Variants in BPTF observed in about 807,000 individuals in gnomAD.
BPTF encodes nucleosome-remodeling factor subunit BPTF.
In BPTF, 18 loss-of-function variants were observed where a neutral mutation model predicts 292.5. The ratio of observed to expected loss-of-function variants is 0.06; its 90% confidence interval spans 0.04 to 0.09. The LOEUF is 0.09. Ranked by LOEUF, BPTF falls within the 10% of genes least tolerant of loss-of-function variation. The pLI is 1.00. For synonymous variants in BPTF, 1,225 were observed against 1,251.9 expected (o/e 0.98, Z 0.45); for missense variants, 2,726 against 3,498.7 (o/e 0.78, Z 5.57).
At chr17:67,909,840 C>G in intron 10 of BPTF, 79 bp downstream of exon 10, 1 of 1,215,016 alleles carries the variant, frequency 8.2e-7, no homozygotes, top group Non-Finnish European at 1.1e-6. Context: ...AGGAAAGGTA[C>G]TGCGTTGTGT....
chr17:67,925,353 G>C (rs948080900), intron 15 of BPTF, among the ~76,000 whole-genome samples: 9 of 152,026 alleles, frequency 5.9e-5, no homozygotes, highest in Non-Finnish European at 1.5e-5. Flanking sequence ...TGGTTTCTTA[G>C]TGTTTTCATA....
At position 67,966,657 on chromosome 17, in the gene BPTF, G is replaced by A; in HGVS notation, c.8539+1G>A. On this transcript the variant is annotated splice_donor_variant, in intron 26 of 27. Coordinates refer to ENST00000306378, the MANE Select transcript of BPTF (RefSeq NM_182641.4). LOFTEE classifies it high-confidence loss of function. ...TATGGTGTTATTAAGGAACCTATGG[G>A]TAAGTACATGAGTTGAATATGAAGT... 1 of 1,542,646 alleles carries A rather than the reference G, an allele frequency of 6.5e-7. No homozygotes were observed. Among genetic ancestry groups the A allele is most frequent in the Non-Finnish European group, 8.7e-7 (1 of 1,144,536 alleles).
Position 67,944,275 on chromosome 17 carries a change from G to A in BPTF, c.6603G>A (p.Met2201Ile). 1.2e-6 allele frequency: 2 copies of A among 1,614,164 alleles called. No individual in the cohort carries two copies. Among genetic ancestry groups the A allele is most frequent in the Non-Finnish European group, 1.7e-6 (2 of 1,180,034 alleles). ...GCCAGCAGCTAATGCAAGCTGCAAT[G>A]CCAAATGGTACTGTTCAGCGATTCC... is the stretch of plus-strand genomic sequence containing the variant. ...GPGQQLMQAA[M>I]PNGTVQRFLF... is the part of the protein sequence containing the mutation. The change falls in exon 20 of 28, where the codon ATG becomes ATA. Residue 2201 changes from methionine to isoleucine, a missense_variant. Physicochemically the swap from Met to Ile is conservative, Grantham distance 10 (BLOSUM62 1). This residue lies in a region of BPTF where 570 missense variants were observed against 633.5 expected (regional missense o/e 0.90). Transcript: ENST00000306378.
chr17:67,966,054 C>T (rs2068065110), intron 25 of BPTF: 1 of 155,688 alleles, frequency 6.4e-6, no homozygotes, highest in African/African-American at 2.4e-5. Flanking sequence ...GACCCTGTCT[C>T]AAAAAAGTGG....
At chr17:67,929,559 C>A in intron 17 of BPTF, 72 bp downstream of exon 17, 1 of 1,498,572 alleles carries the variant, frequency 6.7e-7, no homozygotes, top group Non-Finnish European at 9.0e-7. Flanking sequence ...TGACTTCTTC[C>A]AAGATTAATC....
intron 4 of BPTF, among the ~76,000 whole-genome samples, chr17:67,882,809 C>T (rs1269375412): frequency 6.6e-6 from 1 of 151,094 alleles, no homozygotes. Context: ...AAGTTCAAGA[C>T]CAGCCTGCCC....
intron 1 of BPTF, among the ~76,000 whole-genome samples, chr17:67,847,847 A>G (rs1567891800): frequency 6.6e-6 from 1 of 152,170 alleles, no homozygotes; most frequent in Non-Finnish European, 1.5e-5. Context: ...CCACATGAAA[A>G]GGTGAATCCT....
chr17:67,946,043 C>T lies in BPTF; in HGVS notation c.7335C>T (p.Leu2445=). ...VPQLQQQVQV[L]SQIQSQVVAQ... Reference sequence around the variant, plus strand: ...AGCTGCAACAACAAGTCCAGGTTCTCTCTCAGATCCAGTCACAGGTTGTGG... The same window carrying T: ...AGCTGCAACAACAAGTCCAGGTTCTTTCTCAGATCCAGTCACAGGTTGTGG... The change falls in exon 21 of 28, where the codon CTC becomes CTT. Residue 2445 remains leucine (L), a synonymous_variant. Coordinates refer to ENST00000306378, the MANE Select transcript of BPTF (RefSeq NM_182641.4). 2 of 1,614,220 alleles carry T rather than the reference C, an allele frequency of 1.2e-6. No homozygotes were observed. The highest frequency in any genetic ancestry group is 1.7e-6 in the Non-Finnish European group (2 of 1,180,032).
In BPTF at chr17:67,908,047, A is replaced by T. The variant is rs765872191; in HGVS notation, c.2813-1535A>T. ...TCCTTGGTAGAGGATCATAGCATTT[A>T]TCCATTTCTAATAGGGTTCTGTGAC... On this transcript the variant is annotated intron_variant, in intron 9 of 27. Transcript: ENST00000306378. Among the ~76,000 whole-genome samples the T allele has an allele frequency of 3.9e-4, 59 of 152,222 alleles. 1 individual carries two copies. The highest frequency in any genetic ancestry group is 6.8e-4 in the Non-Finnish European group (46 of 68,042).
chr17:67,935,418 A>T (rs1329550648), intron 18 of BPTF, among the ~76,000 whole-genome samples: 1 of 151,976 alleles, frequency 6.6e-6, no homozygotes, highest in African/African-American at 2.4e-5. Context: ...ACAGAGTGAA[A>T]CCCTGTCTCA....
chr17:67,873,023 G>A (rs2059840356), intron 3 of BPTF, among the ~76,000 whole-genome samples: 1 of 152,072 alleles, frequency 6.6e-6, no homozygotes, highest in Admixed American at 6.5e-5. Flanking sequence ...GGAGTTCAAG[G>A]TTACAGTGAG....
chr17:67,906,075 G>C (rs140504721), intron 9 of BPTF, among the ~76,000 whole-genome samples: 5 of 151,776 alleles, frequency 3.3e-5, no homozygotes, highest in South Asian at 2.1e-4. Context: ...GTTTTTTTTG[G>C]GGGGAGGGGT....
rs528563778 is a variant in BPTF, at chr17:67,923,719, A to T, written c.5708+729A>T. ...GGTCTCGAACTCCTGACCTTGGGTA[A>T]TCCACCTGCCTCAGCCTCCCAAAGT... On this transcript the variant is annotated intron_variant, in intron 14 of 27. Coordinates refer to ENST00000306378, the MANE Select transcript of BPTF (RefSeq NM_182641.4). Among the ~76,000 whole-genome samples the T allele has an allele frequency of 2.0e-5, 3 of 151,532 alleles. No individual in the cohort carries two copies. The East Asian group carries it at 5.9e-4, about 30-fold the overall frequency.
chr17:67,930,818 G>A (rs2064313634), intron 17 of BPTF, among the ~76,000 whole-genome samples: 1 of 152,018 alleles, frequency 6.6e-6, no homozygotes, highest in Admixed American at 6.5e-5. Flanking sequence ...GGTGGCATGT[G>A]CCTGTAGTCC....
At chr17:67,924,947 C>T (rs2063747052) in intron 15 of BPTF, among the ~76,000 whole-genome samples, 1 of 151,830 alleles carries the variant, frequency 6.6e-6, no homozygotes, top group African/African-American at 2.4e-5. Flanking sequence ...TAGGGCTTCG[C>T]CGTGTTCCCC....
Position 67,919,945 on chromosome 17 carries a change from A to T in BPTF, c.5429-70A>T, listed in dbSNP as rs149960768. On this transcript the variant is annotated intron_variant, in intron 12 of 27. Transcript: ENST00000306378. ...TCCACGTGTGTCTCTTTTTGAAAGCACCAGATGTACCTTTTTAGTCTCTGA... is the reference window on the plus strand; with the variant it reads ...TCCACGTGTGTCTCTTTTTGAAAGCTCCAGATGTACCTTTTTAGTCTCTGA... 5.1e-5 allele frequency: 75 copies of T among 1,463,100 alleles called. No homozygotes were observed. In the African/African-American group the frequency reaches 8.9e-4, roughly 17 times the overall value. The allele number at this position is 1,463,100 out of a possible 1,614,324, so 90.6% of individuals were successfully genotyped here.
rs1555676102 is a variant in BPTF, at chr17:67,947,615, TAC to T, written c.7618-109_7618-108del. On this transcript the variant is annotated intron_variant, in intron 21 of 27. Coordinates refer to ENST00000306378, the MANE Select transcript of BPTF (RefSeq NM_182641.4). Reference sequence around the variant, plus strand: ...TATTTATGTTACGATATAAAATTCTTACAGTTTCTTTAAAAAAACACATATGT... The same window carrying T: ...TATTTATGTTACGATATAAAATTCTTAGTTTCTTTAAAAAAACACATATGT... 8.6e-6 allele frequency: 7 copies of T among 810,252 alleles called. No homozygotes were observed. The East Asian group carries it at 1.4e-4, about 16-fold the overall frequency. 50.2% of individuals were successfully genotyped at this position (810,252 alleles called of 1,614,324 possible).
At chr17:67,830,771 C>T (rs750372616) in intron 1 of BPTF, among the ~76,000 whole-genome samples, 2 of 152,202 alleles carry the variant, frequency 1.3e-5, no homozygotes, top group Non-Finnish European at 2.9e-5. Context: ...CTGTGTTGGG[C>T]AGTACCTAGA....
chr17:67,880,998 A>G (rs766222492), intron 4 of BPTF, among the ~76,000 whole-genome samples: 1 of 152,034 alleles, frequency 6.6e-6, no homozygotes, highest in Non-Finnish European at 1.5e-5. Context: ...TATTACATAT[A>G]TATATTTCAG....
Sources: allele counts gnomAD v4.1 joint callset (sites outside exome capture counted in the v4.1 genomes callset), GRCh38; gene constraint gnomAD v4.1.1; regional missense constraint gnomAD v4.1.1; transcripts MANE v1.5; gene names NCBI Gene and HGNC (gene_info 2026-07-23, HGNC 2026-07-21).